CELF4: variants seen among roughly 807,000 people sequenced by gnomAD.
The protein encoded by CELF4 is CUGBP Elav-like family member 4.
CELF4 carries 18 observed loss-of-function variants against 59.9 expected under a neutral mutation model. That is an observed-to-expected ratio of 0.30 (90% CI 0.21 to 0.45). CELF4 has a LOEUF of 0.45. Among genes scored for constraint, CELF4 ranks in the 20% least tolerant of loss-of-function variants. The probability of loss-of-function intolerance (pLI) is 1.00; values close to 1 mark genes in which losing one functional copy is unlikely to be tolerated. For synonymous variants in CELF4, 261 were observed against 267.1 expected (o/e 0.98, Z 0.22); for missense variants, 456 against 689.0 (o/e 0.66, Z 3.79).
chr18:37,510,238 G>A (rs1384286980), intron 1 of CELF4, among the ~76,000 whole-genome samples: 8 of 152,158 alleles, frequency 5.3e-5, no homozygotes, highest in African/African-American at 1.7e-4. Context: ...CCTGCCCCAC[G>A]AGTTGCAATA....
At chr18:37,368,695 T>C (rs1232887621) in intron 2 of CELF4, among the ~76,000 whole-genome samples, 1 of 152,188 alleles carries the variant, frequency 6.6e-6, no homozygotes, top group African/African-American at 2.4e-5. Context: ...CACCTCAGCG[T>C]GCAAGGAGCA....
At chr18:37,523,490 G>C (rs2099959984) in intron 1 of CELF4, among the ~76,000 whole-genome samples, 1 of 152,176 alleles carries the variant, frequency 6.6e-6, no homozygotes. Context: ...AGGGTAAGGA[G>C]TTTGGTGACC....
chr18:37,523,780 C>G (rs1281046919), intron 1 of CELF4, among the ~76,000 whole-genome samples: 1 of 152,216 alleles, frequency 6.6e-6, no homozygotes, highest in Non-Finnish European at 1.5e-5. Context: ...TTCCGTGAAA[C>G]TTGAGTCTCT....
intron 1 of CELF4, among the ~76,000 whole-genome samples, chr18:37,558,039 T>C (rs1049898107): frequency 6.8e-6 from 1 of 146,512 alleles, no homozygotes; most frequent in African/African-American, 2.6e-5. Context: ...TCTCACTCTG[T>C]TGCTCAGGCT....
Position 37,494,801 on chromosome 18 carries a change from G to A in CELF4, c.287-9194C>T, listed in dbSNP as rs138834860. Among the ~76,000 whole-genome samples the A allele has an allele frequency of 4.6e-3, 694 of 152,252 alleles. 4 individuals are homozygous for A. The highest frequency in any genetic ancestry group is 8.1e-3 in the Non-Finnish European group (550 of 68,012). On this transcript the variant is annotated intron_variant, in intron 1 of 12. Transcript: ENST00000420428. ...GTGTCTGAGGACAGTGTGAGGACGG[G>A]CCATGCTCAGGGAGACACGAGGGTC... is the stretch of plus-strand genomic sequence containing the variant.
intron 1 of CELF4, among the ~76,000 whole-genome samples, chr18:37,535,891 C>G (rs1451084524): frequency 2.0e-5 from 3 of 152,146 alleles, no homozygotes; most frequent in Non-Finnish European, 4.4e-5. Flanking sequence ...TTTTGGGTTC[C>G]TCTAGTCTCG....
intron 2 of CELF4, among the ~76,000 whole-genome samples, chr18:37,439,614 T>C (rs922464309): frequency 1.3e-5 from 2 of 152,124 alleles, no homozygotes; most frequent in Admixed American, 6.5e-5. Context: ...GTTGGAGCCC[T>C]TGGGGACCTC....
At chr18:37,493,758 C>T (rs975918307) in intron 1 of CELF4, among the ~76,000 whole-genome samples, 49 of 152,260 alleles carry the variant, frequency 3.2e-4, no homozygotes, top group African/African-American at 1.1e-3. Context: ...TAGGGGCTCT[C>T]CAAGTGCTGG....
At chr18:37,346,967 C>T (rs2154551510) in intron 2 of CELF4, among the ~76,000 whole-genome samples, 1 of 151,750 alleles carries the variant, frequency 6.6e-6, no homozygotes, top group Admixed American at 6.6e-5. Context: ...CCTCTGAGAA[C>T]AGGGAGGAGG....
intron 2 of CELF4, among the ~76,000 whole-genome samples, chr18:37,468,506 T>G (rs911522764): frequency 1.3e-5 from 2 of 152,132 alleles, no homozygotes; most frequent in African/African-American, 4.8e-5. Flanking sequence ...CACCTCAAGC[T>G]GGCCACACCT....
At chr18:37,274,541 C>A in intron 5 of CELF4, 87 bp from the exon 6 acceptor site, 1 of 1,598,556 alleles carries the variant, frequency 6.3e-7, no homozygotes, top group African/African-American at 1.3e-5. Context: ...CCACCCCGCC[C>A]GCTCCTCGGG....
At chr18:37,430,989 G>T (rs2099647547) in intron 2 of CELF4, among the ~76,000 whole-genome samples, 1 of 152,206 alleles carries the variant, frequency 6.6e-6, no homozygotes, top group Non-Finnish European at 1.5e-5. Flanking sequence ...CTGGTCTGGG[G>T]AACTTGGCCT....
intron 2 of CELF4, among the ~76,000 whole-genome samples, chr18:37,349,740 T>G (rs2154553104): frequency 6.6e-6 from 1 of 152,136 alleles, no homozygotes; most frequent in Middle Eastern, 3.4e-3. Context: ...TGCTCTAGGG[T>G]GGCTGGTGCA....
At chr18:37,257,437 T>A (rs2070598122) in intron 11 of CELF4, among the ~76,000 whole-genome samples, 1 of 152,186 alleles carries the variant, frequency 6.6e-6, no homozygotes, top group Non-Finnish European at 1.5e-5. Flanking sequence ...TTCTGCTTTG[T>A]TTTTCCACAC....
intron 2 of CELF4, among the ~76,000 whole-genome samples, chr18:37,323,410 TCA>T (rs2097192015): frequency 6.6e-6 from 1 of 152,156 alleles, no homozygotes; most frequent in East Asian, 1.9e-4. Flanking sequence ...CAAATTCCAA[TCA>T]CAGGGAGAAG....
chr18:37,431,957 C>G (rs9950658), intron 2 of CELF4, among the ~76,000 whole-genome samples: 10 of 152,274 alleles, frequency 6.6e-5, no homozygotes, highest in Admixed American at 3.9e-4. Context: ...GCTGTAAAAG[C>G]GTGAAATAGG....
In CELF4 at chr18:37,274,338, G is replaced by C; in HGVS notation, c.774C>G (p.Phe258Leu). The change falls in exon 6 of 13, where the codon TTC becomes TTG. Residue 258 changes from phenylalanine to leucine, a missense_variant. Around this residue, in one of 7 missense-constraint regions of CELF4, gnomAD observed 256 missense variants for 340.8 expected, o/e 0.75. Transcript: ENST00000420428. ...MGMFNPMAIP[F>L]GAYGAYAQAL... is the part of the protein sequence containing the mutation. ...CCTGAGCGTAGGCGCCGTAGGCCCC[G>C]AAAGGGATGGCCATGGGGTTGAACA... The C allele has an allele frequency of 6.2e-7, 1 of 1,613,212 alleles. No homozygotes were observed.
At chr18:37,338,392 CCATTGTCACCACTAT>C (rs1199803508) in intron 2 of CELF4, among the ~76,000 whole-genome samples, 2 of 148,668 alleles carry the variant, frequency 1.3e-5, no homozygotes, top group African/African-American at 5.2e-5. Flanking sequence ...GTCACTGACA[CCATTGTCACCACTAT>C]CATTGTCACC....
At chr18:37,506,637 G>A (rs556444267) in intron 1 of CELF4, among the ~76,000 whole-genome samples, 1 of 152,286 alleles carries the variant, frequency 6.6e-6, no homozygotes, top group Non-Finnish European at 1.5e-5. Context: ...TCGCCCACAA[G>A]GCCCCCACAT....
Sources: gnomAD v4.1 joint callset for allele counts (sites outside exome capture counted in the v4.1 genomes callset) on GRCh38, gnomAD v4.1.1 for gene constraint, gnomAD v4.1.1 regional missense constraint, MANE v1.5 for transcripts, NCBI Gene and HGNC (gene_info 2026-07-23, HGNC 2026-07-21) for gene names.